The following NRG3 variants were observed in gnomAD, a reference collection of about 807,000 sequenced individuals.
NRG3 encodes neuregulin 3.
Under a neutral mutation model 66.9 loss-of-function variants are expected in NRG3, and 31 were observed. The observed-to-expected ratio is 0.46, with a 90% CI of 0.35 to 0.63. NRG3 has a LOEUF of 0.63. Ranked by LOEUF, NRG3 falls within the 20% of genes least tolerant of loss-of-function variation. The pLI, the probability that NRG3 is intolerant of heterozygous loss-of-function variation, is 0.00. For synonymous variants in NRG3, 393 were observed against 359.4 expected (o/e 1.09, Z -1.06); for missense variants, 910 against 878.9 (o/e 1.04, Z -0.45).
chr10:82,833,611 G>A (rs948138533), intron 3 of NRG3, among the ~76,000 whole-genome samples: 4 of 152,048 alleles, frequency 2.6e-5, no homozygotes, highest in Middle Eastern at 3.2e-3. Context: ...TTCCAATACC[G>A]ATCCCAGCAT....
chr10:82,359,883 T>C (rs1264121249), intron 2 of NRG3, among the ~76,000 whole-genome samples: 1 of 152,138 alleles, frequency 6.6e-6, no homozygotes, highest in Non-Finnish European at 1.5e-5. Context: ...AGTTATGAAC[T>C]TAGAACATGC....
At chr10:82,944,599 A>C (rs911233732) in intron 4 of NRG3, among the ~76,000 whole-genome samples, 1 of 152,180 alleles carries the variant, frequency 6.6e-6, no homozygotes, top group Non-Finnish European at 1.5e-5. Context: ...TATCCCTTCA[A>C]TTTGAATCTT....
chr10:82,357,424 A>G (rs1012705141), intron 1 of NRG3, among the ~76,000 whole-genome samples: 1 of 152,160 alleles, frequency 6.6e-6, no homozygotes, highest in Non-Finnish European at 1.5e-5. Context: ...GTCTTAGTCC[A>G]TTTTCTATTG....
intron 1 of NRG3, among the ~76,000 whole-genome samples, chr10:82,151,880 T>C (rs2070773245): frequency 6.6e-6 from 1 of 152,182 alleles, no homozygotes; most frequent in Non-Finnish European, 1.5e-5. Flanking sequence ...AACAAATAAG[T>C]GAATTTCTAT....
At chr10:82,935,945 A>C (rs752907573) in intron 4 of NRG3, among the ~76,000 whole-genome samples, 1 of 152,218 alleles carries the variant, frequency 6.6e-6, no homozygotes, top group East Asian at 1.9e-4. Flanking sequence ...TCAAAAATAG[A>C]TACAACTAGC....
rs913861852 is a variant in NRG3, at chr10:81,885,336, T to C, written c.823+9173T>C. On this transcript the variant is annotated intron_variant, in intron 1 of 8. Coordinates refer to ENST00000372141, the MANE Select transcript of NRG3 (RefSeq NM_001010848.4). ...GATAGCCTTTTAGTTCTGTAGACAC[T>C]AAAGTACTGACTCTACCAAATCAAT... 2.0e-5 allele frequency among the ~76,000 whole-genome samples: 3 copies of C among 152,186 alleles called. No homozygotes were observed. In the South Asian group the frequency reaches 6.2e-4, roughly 31 times the overall value.
intron 2 of NRG3, among the ~76,000 whole-genome samples, chr10:82,419,950 G>A (rs180697081): frequency 5.9e-4 from 90 of 152,244 alleles, no homozygotes; most frequent in African/African-American, 1.8e-3. Context: ...GGATGTATTG[G>A]TCTATATTGT....
chr10:82,523,906 C>T lies in NRG3; in HGVS notation c.953+165038C>T, dbSNP rs188116226. ...TTTCTCTGTGTTCTCATTAGTCATC[C>T]GATTTTCAGCCCTTTTCTGTTGAAC... On this transcript the variant is annotated intron_variant, in intron 2 of 8. Coordinates refer to ENST00000372141, the MANE Select transcript of NRG3 (RefSeq NM_001010848.4). Among the ~76,000 whole-genome samples, 245 of 152,102 alleles carry T rather than the reference C, an allele frequency of 1.6e-3. 1 individual carries two copies. The highest frequency in any genetic ancestry group is 5.3e-3 in the African/African-American group (222 of 41,534).
chr10:82,816,369 C>T (rs114452624), intron 3 of NRG3, among the ~76,000 whole-genome samples: 1,570 of 152,268 alleles, frequency 0.01, 34 homozygotes, highest in African/African-American at 0.036. Context: ...AGCTCCTTTC[C>T]GCAGGCAGGT....
At chr10:81,939,571 A>G (rs1195441482) in intron 1 of NRG3, among the ~76,000 whole-genome samples, 4 of 151,272 alleles carry the variant, frequency 2.6e-5, no homozygotes, top group Admixed American at 6.6e-5. Flanking sequence ...AGTTATAGCA[A>G]TATCTTATTC....
chr10:82,238,964 TCTTTA>T (rs1010279469), intron 1 of NRG3, among the ~76,000 whole-genome samples: 4 of 119,678 alleles, frequency 3.3e-5, no homozygotes, highest in African/African-American at 9.0e-5. Flanking sequence ...TGCCTAAAGT[TCTTTA>T]CTTCCTCCAA....
At chr10:81,977,731 T>C (rs1027788449) in intron 1 of NRG3, among the ~76,000 whole-genome samples, 3 of 152,324 alleles carry the variant, frequency 2.0e-5, no homozygotes, top group Admixed American at 1.3e-4. Context: ...ACAAATAATT[T>C]CATGCTCTTA....
chr10:82,030,031 C>T (rs537371436), intron 1 of NRG3, among the ~76,000 whole-genome samples: 7 of 152,144 alleles, frequency 4.6e-5, no homozygotes, highest in African/African-American at 9.6e-5. Flanking sequence ...GAGTTGAAAT[C>T]GTAAGGGGAA....
intron 4 of NRG3, among the ~76,000 whole-genome samples, chr10:82,943,159 G>A (rs978867922): frequency 2.2e-4 from 33 of 152,214 alleles, no homozygotes; most frequent in African/African-American, 6.0e-4. Context: ...AGAAACTGGC[G>A]TTTTGTGCAT....
intron 2 of NRG3, among the ~76,000 whole-genome samples, chr10:82,521,383 C>T (rs1590460045): frequency 6.6e-6 from 1 of 152,130 alleles, no homozygotes; most frequent in Middle Eastern, 3.4e-3. Context: ...CACTGTCGCC[C>T]AGGCTGCAGT....
At chr10:82,720,805 T>TTATATATATATATATATATATATATA (rs1363560030) in intron 2 of NRG3, among the ~76,000 whole-genome samples, 12 of 63,480 alleles carry the variant, frequency 1.9e-4, no homozygotes, top group African/African-American at 8.7e-4. Flanking sequence ...TAGGAGTATT[T>TTATATATATATATATATATATATATA]TATACATATA....
At chr10:82,584,823 C>G (rs1488191580) in intron 2 of NRG3, among the ~76,000 whole-genome samples, 1 of 152,138 alleles carries the variant, frequency 6.6e-6, no homozygotes, top group Non-Finnish European at 1.5e-5. Context: ...AACAATATTT[C>G]TGTGCTATGA....
chr10:81,894,110 G>A (rs1441554672), intron 1 of NRG3, among the ~76,000 whole-genome samples: 1 of 152,148 alleles, frequency 6.6e-6, no homozygotes, highest in African/African-American at 2.4e-5. Flanking sequence ...GGAGACCGAG[G>A]CAGGCAGATC....
intron 3 of NRG3, 101 bp downstream of exon 3, chr10:82,738,751 T>G (rs2058276171): frequency 1.9e-6 from 2 of 1,034,000 alleles, no homozygotes; most frequent in Non-Finnish European, 3.0e-6. Context: ...CAGTCTTGTG[T>G]CTCTGAAAGC....
Sources: allele counts gnomAD v4.1 joint callset (sites outside exome capture counted in the v4.1 genomes callset), GRCh38; gene constraint gnomAD v4.1.1; transcripts MANE v1.5; gene names NCBI Gene and HGNC (gene_info 2026-07-23, HGNC 2026-07-21).